Variants in GTSE1 observed in about 807,000 individuals in gnomAD.
The protein encoded by GTSE1 is G2 and S phase-expressed protein 1.
In GTSE1, 52 loss-of-function variants were observed where a neutral mutation model predicts 60.5. The ratio of observed to expected loss-of-function variants is 0.86; its 90% CI spans 0.69 to 1.08. The LOEUF (loss-of-function observed/expected upper bound fraction) is 1.08. Among genes scored for constraint, GTSE1 ranks in the 50% least tolerant of loss-of-function variants. The probability of loss-of-function intolerance (pLI) is 0.00; values close to 1 mark genes in which losing one functional copy is unlikely to be tolerated. For missense variants in GTSE1, 937 were observed against 961.8 expected (o/e 0.97, Z 0.34); for synonymous variants, 368 against 386.5 (o/e 0.95, Z 0.56).
intron 9 of GTSE1, chr22:46,326,965 G>A (rs1437638009): frequency 1.8e-5 from 4 of 220,502 alleles, no homozygotes; most frequent in Non-Finnish European, 2.7e-5. Context: ...CACTTTGGGA[G>A]GCCGAGGCAG....
rs1353989924 is a variant in GTSE1 at position 46,297,935 on chromosome 22, C to T, written c.79+456C>T. Among the ~76,000 whole-genome samples, 2 of 151,980 alleles carry T rather than the reference C, an allele frequency of 1.3e-5. No individual in the cohort carries two copies. The highest frequency in any genetic ancestry group is 2.9e-5 in the Non-Finnish European group (2 of 67,992). On this transcript the variant is annotated intron_variant, in intron 2 of 11. Transcript: ENST00000454366. The surrounding 1 kb of genome is among the most constrained non-coding windows in gnomAD (Gnocchi z 4.9). The stretch of plus-strand genomic sequence containing the variant: ...TCACAGAATGAGTTACAGGCCACAC[C>T]CTCTTTTTCTCTCAAAGCGTTTTTA...
At position 46,316,556 on chromosome 22, in the gene GTSE1, G is replaced by A. The variant is rs1424439382; in HGVS notation, c.1432+144G>A. 14 of 652,506 alleles carry A rather than the reference G, an allele frequency of 2.1e-5. No individual in the cohort carries two copies. The highest frequency in any genetic ancestry group is 9.2e-5 in the Admixed American group (3 of 32,768). 40.4% of individuals were successfully genotyped at this position (652,506 alleles called of 1,614,324 possible). A position where few individuals can be genotyped will look rare whatever the true frequency, so the allele number is the denominator to read the frequency against. On this transcript the variant is annotated intron_variant, in intron 7 of 11. Coordinates refer to ENST00000454366, the MANE Select transcript of GTSE1 (RefSeq NM_016426.7). The surrounding 1 kb of genome is among the most constrained non-coding windows in gnomAD (Gnocchi z 5.0). ...TTCAGGTGTGACCCGCTGTCTTCTCGCCCACGTTGTTTTGGGGGGTCACTG... is the reference window on the plus strand; with the variant it reads ...TTCAGGTGTGACCCGCTGTCTTCTCACCCACGTTGTTTTGGGGGGTCACTG...
At position 46,330,353 on chromosome 22, in the gene GTSE1, A is replaced by G. The variant is rs899369964; in HGVS notation, c.*223A>G. ...AAAAATTAGCCGGGTGTGGTAGTGC[A>G]TGCCTGTAGTCCCAGCTACTTGGGA... On this transcript the variant is annotated 3_prime_UTR_variant, in exon 12 of 12. Coordinates refer to ENST00000454366, the MANE Select transcript of GTSE1 (RefSeq NM_016426.7). This position sits in a 1 kb window ranked among gnomAD's most constrained non-coding sequence, Gnocchi z 6.0. 2.1e-6 allele frequency: 1 copy of G among 469,898 alleles called. No individual in the cohort carries two copies. The highest frequency in any genetic ancestry group is 3.9e-6 in the Non-Finnish European group (1 of 256,330). The allele number at this position is 469,898 out of a possible 1,614,324, so 29.1% of individuals were successfully genotyped here. A position where few individuals can be genotyped will look rare whatever the true frequency, so the allele number is the denominator to read the frequency against.
chr22:46,327,853 C>T (rs191871360), intron 9 of GTSE1, among the ~76,000 whole-genome samples: 15 of 152,176 alleles, frequency 9.9e-5, no homozygotes, highest in Admixed American at 9.2e-4. Context: ...AATATGCTGG[C>T]ATGTGTGTGC....
In GTSE1 at chr22:46,308,002, T is replaced by C. The variant is rs2077725100; in HGVS notation, c.80-148T>C. ...AAAAAATATAACTTAGAGCCCCCTA[T>C]GAAAAACTAAATTAGCATCATGACA... is the stretch of plus-strand genomic sequence containing the variant. On this transcript the variant is annotated intron_variant, in intron 2 of 11. Transcript: ENST00000454366. 6 of 624,312 alleles carry C rather than the reference T, an allele frequency of 9.6e-6. No homozygotes were observed. The South Asian group carries it at 1.0e-4, about 11-fold the overall frequency. 38.7% of individuals were successfully genotyped at this position (624,312 alleles called of 1,614,324 possible). A position where few individuals can be genotyped will look rare whatever the true frequency, so the allele number is the denominator to read the frequency against.
At chr22:46,325,224 A>G (rs891405253) in intron 8 of GTSE1, among the ~76,000 whole-genome samples, 2 of 151,142 alleles carry the variant, frequency 1.3e-5, no homozygotes, top group South Asian at 4.2e-4. Context: ...TGAGATGGAG[A>G]CTCGCTCTGT....
chr22:46,316,682 T>C lies in GTSE1; in HGVS notation c.1432+270T>C, dbSNP rs2077783111. Reference sequence around the variant, plus strand: ...CTCTTTAGTGTTACTGTCGGGAATTTGATTATTATGTGCTTTGAGGTGGCT... The same window carrying C: ...CTCTTTAGTGTTACTGTCGGGAATTCGATTATTATGTGCTTTGAGGTGGCT... On this transcript the variant is annotated intron_variant, in intron 7 of 11. Coordinates refer to ENST00000454366, the MANE Select transcript of GTSE1 (RefSeq NM_016426.7). This position sits in a 1 kb window ranked among gnomAD's most constrained non-coding sequence, Gnocchi z 5.0. Among the ~76,000 whole-genome samples the C allele has an allele frequency of 6.6e-6, 1 of 152,192 alleles. No homozygotes were observed. Among genetic ancestry groups the C allele is most frequent in the Non-Finnish European group, 1.5e-5 (1 of 68,038 alleles).
rs1317227452 is a variant in GTSE1, at chr22:46,308,564, AC to A, written c.386del (p.Pro129LeufsTer15). ...NQAAQAAKPEDPRSQGVERFI... is the reference protein window; with the variant it reads ...NQAAQAAKPEXPRSQGVERFI... ...GCAGCCCAAGCTGCCAAGCCTGAAGACCCTCGGAGCCAGGGCGTGGAAAGAT... is the reference window on the plus strand; with the variant it reads ...GCAGCCCAAGCTGCCAAGCCTGAAGACCTCGGAGCCAGGGCGTGGAAAGAT... On this transcript the variant is annotated frameshift_variant, in exon 4 of 12. Transcript: ENST00000454366. LOFTEE classifies it high-confidence loss of function. The A allele has an allele frequency of 6.2e-7, 1 of 1,614,010 alleles. No individual in the cohort carries two copies. The highest frequency in any genetic ancestry group is 1.3e-5 in the African/African-American group (1 of 74,912).
At chr22:46,307,478 G>A (rs1314854343) in intron 2 of GTSE1, among the ~76,000 whole-genome samples, 2 of 151,952 alleles carry the variant, frequency 1.3e-5, no homozygotes, top group Non-Finnish European at 2.9e-5. Flanking sequence ...GCTTTTGGGT[G>A]GCTTAGTGAA....
At chr22:46,308,249 C>G (rs1312425365) in intron 3 of GTSE1, 42 bp downstream of exon 3, 1 of 1,604,300 alleles carries the variant, frequency 6.2e-7, no homozygotes, top group Non-Finnish European at 8.5e-7. Context: ...GGCATAACCA[C>G]ATTCAGTAAA....
At position 46,308,616 on chromosome 22, in the gene GTSE1, A is replaced by G. The variant is rs752974296; in HGVS notation, c.435A>G (p.Ile145Met). The change falls in exon 4 of 12, where the codon ATA becomes ATG. Residue 145 changes from isoleucine (I) to methionine (M), a missense_variant. Ile to Met is a conservative substitution (Grantham distance 10). Transcript: ENST00000454366. Reference protein sequence around the residue: ...ERFIQESKLKINLFEKEKEMK... With the variant: ...ERFIQESKLKMNLFEKEKEMK... The stretch of plus-strand genomic sequence containing the variant: ...TCATACAGGAGTCAAAATTAAAAAT[A>G]AACCTCTTTGAGAAAGAAAAGGAAA... 2.0e-5 allele frequency: 33 copies of G among 1,613,984 alleles called. No homozygotes were observed. The Middle Eastern group carries it at 6.6e-4, about 32-fold the overall frequency.
chr22:46,312,638 C>CAA (rs60392526), intron 5 of GTSE1, among the ~76,000 whole-genome samples: 861 of 59,746 alleles, frequency 0.014, 12 homozygotes, highest in African/African-American at 0.04. Flanking sequence ...GACCCTGTCT[C>CAA]AAAAAAAAAA....
rs1034351996 is a variant in GTSE1 at position 46,312,130 on chromosome 22, A to G, written c.763-11A>G. 1 of 1,606,872 alleles carries G rather than the reference A, an allele frequency of 6.2e-7. No homozygotes were observed. The highest frequency in any genetic ancestry group is 1.3e-5 in the African/African-American group (1 of 74,642). The stretch of plus-strand genomic sequence containing the variant: ...CTAGACAGTTCTCACAGTTCAAATT[A>G]AAATTTTCAGCCCAAGAAAGAGATT... On this transcript the variant is annotated splice_polypyrimidine_tract_variant and intron_variant, in intron 4 of 11. Coordinates refer to ENST00000454366, the MANE Select transcript of GTSE1 (RefSeq NM_016426.7).
chr22:46,316,509 A>T lies in GTSE1; in HGVS notation c.1432+97A>T. ...TATTGATGGCATTGATGGTGTTTTT[A>T]GTTCTTTCCTCCAACAGTGCTTTCA... is the stretch of plus-strand genomic sequence containing the variant. On this transcript the variant is annotated intron_variant, in intron 7 of 11. Transcript: ENST00000454366. The surrounding 1 kb of genome is among the most constrained non-coding windows in gnomAD (Gnocchi z 5.0). 1 of 906,204 alleles carries T rather than the reference A, an allele frequency of 1.1e-6. No individual in the cohort carries two copies. Among genetic ancestry groups the T allele is most frequent in the Non-Finnish European group, 1.7e-6 (1 of 586,710 alleles). 56.1% of individuals were successfully genotyped at this position (906,204 alleles called of 1,614,324 possible).
chr22:46,316,200 C>T lies in GTSE1; in HGVS notation c.1220C>T (p.Ala407Val), dbSNP rs754468606. ...AKRVDVSELA[A>V]EQLTAPPSAS... ...CGGGTCGATGTTTCTGAGCTGGCAG[C>T]GGAGCAGCTCACGGCACCCCCCTCA... The change falls in exon 7 of 12, where the codon GCG becomes GTG. Residue 407 changes from alanine to valine, a missense_variant. Coordinates refer to ENST00000454366, the MANE Select transcript of GTSE1 (RefSeq NM_016426.7). This position sits in a 1 kb window ranked among gnomAD's most constrained non-coding sequence, Gnocchi z 5.0. 13 of 1,613,436 alleles carry T rather than the reference C, an allele frequency of 8.1e-6. No individual in the cohort carries two copies. Among genetic ancestry groups the T allele is most frequent in the Middle Eastern group, 1.6e-4 (1 of 6,082 alleles).
Position 46,312,759 on chromosome 22 carries a change from G to A in GTSE1, c.927+454G>A, listed in dbSNP as rs562164147. 5.3e-5 allele frequency among the ~76,000 whole-genome samples: 8 copies of A among 152,234 alleles called. 1 individual carries two copies. The South Asian group carries it at 1.7e-3, about 32-fold the overall frequency. On this transcript the variant is annotated intron_variant, in intron 5 of 11. Transcript: ENST00000454366. ...CACTGATGGCTAGCCTCTGCCCTGG[G>A]AGCTGTGTGGGTTGGGAAAAGTCAG...
At position 46,312,259 on chromosome 22, in the gene GTSE1, G is replaced by A. The variant is rs201701933; in HGVS notation, c.881G>A (p.Gly294Glu). The part of the protein sequence containing the change: ...APGAVNVPAA[G>E]SHLGQGKRAI... ...GGTGCTGTCAATGTGCCGGCCGCCGGAAGCCACTTGGGCCAGGGCAAGCGG... is the reference window on the plus strand; with the variant it reads ...GGTGCTGTCAATGTGCCGGCCGCCGAAAGCCACTTGGGCCAGGGCAAGCGG... The change falls in exon 5 of 12, where the codon GGA becomes GAA. Residue 294 changes from glycine to glutamate, a missense_variant. Gly to Glu is a moderately conservative substitution (Grantham distance 98). Coordinates refer to ENST00000454366, the MANE Select transcript of GTSE1 (RefSeq NM_016426.7). 327 of 1,613,854 alleles carry A rather than the reference G, an allele frequency of 2.0e-4. No homozygotes were observed. In the African/African-American group the frequency reaches 4.0e-3, roughly 20 times the overall value.
At chr22:46,296,994 G>C (rs997101710) in intron 1 of GTSE1, 63 bp downstream of exon 1, 3 of 185,952 alleles carry the variant, frequency 1.6e-5, no homozygotes, top group Non-Finnish European at 3.4e-5. Context: ...CGCGGTGCCC[G>C]CCGTTTTCGG....
At chr22:46,301,583 GT>G (rs1286520831) in intron 2 of GTSE1, among the ~76,000 whole-genome samples, 2 of 151,342 alleles carry the variant, frequency 1.3e-5, no homozygotes, top group African/African-American at 4.9e-5. Context: ...CCCCTCTCAG[GT>G]TCCAGCAATT....
Sources: gnomAD v4.1 joint callset for allele counts (sites outside exome capture counted in the v4.1 genomes callset) on GRCh38, gnomAD v4.1.1 for gene constraint, Gnocchi (gnomAD v3.1) non-coding constraint, MANE v1.5 for transcripts, NCBI Gene and HGNC (gene_info 2026-07-23, HGNC 2026-07-21) for gene names.